Variants in DAP observed in about 807,000 individuals in gnomAD.
DAP encodes death-associated protein 1.
A neutral mutation model predicts 13.8 loss-of-function variants in DAP; 8 were observed. The observed-to-expected ratio is 0.58, with a 90% confidence interval of 0.34 to 1.05. The LOEUF (loss-of-function observed/expected upper bound fraction) is 1.05. Ranked by LOEUF, DAP falls within the 50% of genes least tolerant of loss-of-function variation. The pLI, the probability that DAP is intolerant of heterozygous loss-of-function variation, is 0.03. For synonymous variants in DAP, 47 were observed against 47.5 expected, an observed-to-expected ratio of 0.99 and a Z score of 0.04; for missense variants, 106 against 133.2, an observed-to-expected ratio of 0.80 and a Z score of 1.01.
intron 2 of DAP, among the ~76,000 whole-genome samples, chr5:10,691,522 A>C (rs1738306156): frequency 5.3e-5 from 8 of 152,258 alleles, no homozygotes; most frequent in Admixed American, 5.2e-4. Flanking sequence ...AAATGCCATT[A>C]GGCTTCCATG....
intron 2 of DAP, among the ~76,000 whole-genome samples, chr5:10,700,875 T>C (rs1328317692): frequency 6.6e-6 from 1 of 152,258 alleles, no homozygotes; most frequent in African/African-American, 2.4e-5. Context: ...TTTTACATTC[T>C]GTTATCTCAA....
chr5:10,708,461 A>G (rs1370517631), intron 2 of DAP, among the ~76,000 whole-genome samples: 1 of 149,270 alleles, frequency 6.7e-6, no homozygotes, highest in Non-Finnish European at 1.5e-5. Context: ...ACACACACAC[A>G]CACGCACATA....
At chr5:10,688,842 A>G (rs1474005609) in intron 2 of DAP, among the ~76,000 whole-genome samples, 1 of 151,712 alleles carries the variant, frequency 6.6e-6, no homozygotes, top group Non-Finnish European at 1.5e-5. Flanking sequence ...CAGCCTGGAG[A>G]GGCCTCCATG....
chr5:10,682,349 G>C (rs1738040133), intron 3 of DAP, among the ~76,000 whole-genome samples: 2 of 151,700 alleles, frequency 1.3e-5, no homozygotes, highest in South Asian at 4.2e-4. Context: ...TTGTATATGA[G>C]GAAGCTCCAG....
chr5:10,735,541 A>G (rs1376926992), intron 2 of DAP, among the ~76,000 whole-genome samples: 1 of 152,210 alleles, frequency 6.6e-6, no homozygotes, highest in Non-Finnish European at 1.5e-5. Flanking sequence ...TTCATAACTT[A>G]TATAGTGGTA....
chr5:10,701,703 C>G (rs906997100), intron 2 of DAP, among the ~76,000 whole-genome samples: 2 of 152,186 alleles, frequency 1.3e-5, no homozygotes, highest in Non-Finnish European at 1.5e-5. Context: ...AATTAGGCCT[C>G]AAGTTATCCC....
intron 2 of DAP, among the ~76,000 whole-genome samples, chr5:10,685,742 G>A (rs1396492255): frequency 6.6e-6 from 1 of 152,154 alleles, no homozygotes; most frequent in African/African-American, 2.4e-5. Flanking sequence ...GGCTCTGAAA[G>A]GCGGAAATGC....
chr5:10,683,249 T>G (rs891434551), intron 3 of DAP: 7 of 498,346 alleles, frequency 1.4e-5, no homozygotes, highest in East Asian at 3.6e-5. Context: ...ACTGCGGGGG[T>G]TTGCTGATGG....
chr5:10,722,380 T>A (rs546266704), intron 2 of DAP, among the ~76,000 whole-genome samples: 1 of 152,108 alleles, frequency 6.6e-6, no homozygotes, highest in African/African-American at 2.4e-5. Flanking sequence ...GGACTCCAAG[T>A]TCTTCAGTTT....
intron 2 of DAP, among the ~76,000 whole-genome samples, chr5:10,684,639 T>C (rs1302357762): frequency 2.0e-5 from 3 of 152,264 alleles, no homozygotes; most frequent in African/African-American, 7.2e-5. Flanking sequence ...ATAGTTATAC[T>C]GTTTTGTAAT....
intron 2 of DAP, among the ~76,000 whole-genome samples, chr5:10,713,283 G>A (rs267985): frequency 0.51 from 77,941 of 152,068 alleles, 22,073 homozygotes; most frequent in Non-Finnish European, 0.64. Flanking sequence ...AAGGTGACCA[G>A]TAAGAGGTTC....
chr5:10,751,703 CTAATA>C (rs1183516667), intron 1 of DAP, among the ~76,000 whole-genome samples: 1 of 152,234 alleles, frequency 6.6e-6, no homozygotes, highest in East Asian at 1.9e-4. Flanking sequence ...AGGTAGGGCT[CTAATA>C]TAATAGAAAT....
chr5:10,747,895 C>CT (rs1483960010), intron 2 of DAP, among the ~76,000 whole-genome samples: 2 of 144,530 alleles, frequency 1.4e-5, no homozygotes, highest in Non-Finnish European at 3.0e-5. Flanking sequence ...AGGTAGGTCT[C>CT]TAACTGTGCA....
chr5:10,728,525 C>G (rs1739349322), intron 2 of DAP, among the ~76,000 whole-genome samples: 1 of 152,156 alleles, frequency 6.6e-6, no homozygotes, highest in South Asian at 2.1e-4. Context: ...GATGTATGGA[C>G]AAGTCAATTC....
At chr5:10,752,700 G>A (rs1196451181) in intron 1 of DAP, among the ~76,000 whole-genome samples, 4 of 152,204 alleles carry the variant, frequency 2.6e-5, no homozygotes, top group Non-Finnish European at 5.9e-5. Flanking sequence ...GCATACGTAT[G>A]TGCTTGTGTG....
chr5:10,758,928 C>T (rs1353274013), intron 1 of DAP, among the ~76,000 whole-genome samples: 1 of 152,188 alleles, frequency 6.6e-6, no homozygotes, highest in South Asian at 2.1e-4. Context: ...CCTTAAAAAT[C>T]TCCATATGGG....
At position 10,679,355 on chromosome 5, in the gene DAP, G is replaced by A. The variant is rs1305751205; in HGVS notation, c.*1701C>T. ...AGCTCACAGATGCATGCCACATCTA[G>A]CTAAAAGTACATAAAAAGCGCACCT... On this transcript the variant is annotated 3_prime_UTR_variant, in exon 4 of 4. Coordinates refer to ENST00000230895, the MANE Select transcript of DAP (RefSeq NM_004394.3). 1 of 152,388 alleles carries A rather than the reference G, an allele frequency of 6.6e-6. No homozygotes were observed. The highest frequency in any genetic ancestry group is 1.5e-5 in the Non-Finnish European group (1 of 68,050). The allele number at this position is 152,388 out of a possible 1,614,324, so 9.4% of individuals were successfully genotyped here. A position where few individuals can be genotyped will look rare whatever the true frequency, so the allele number is the denominator to read the frequency against.
rs377030343 is a variant in DAP at position 10,705,720 on chromosome 5, A to C, written c.153-22149T>G. Among the ~76,000 whole-genome samples, 19 of 152,292 alleles carry C rather than the reference A, an allele frequency of 1.2e-4. No homozygotes were observed. The East Asian group carries it at 3.1e-3, about 25-fold the overall frequency. On this transcript the variant is annotated intron_variant, in intron 2 of 3. Coordinates refer to ENST00000230895, the MANE Select transcript of DAP (RefSeq NM_004394.3). ...CTACTCAGTATCATCTTTCATGGGG[A>C]GAGAAGCAGATTTAAATGTAAGGTG...
intron 2 of DAP, among the ~76,000 whole-genome samples, chr5:10,690,135 T>C (rs370153739): frequency 3.9e-5 from 6 of 152,124 alleles, no homozygotes; most frequent in African/African-American, 1.2e-4. Context: ...TATTCAAGAA[T>C]TGTGTTGCAT....
Sources: allele counts gnomAD v4.1 joint callset (sites outside exome capture counted in the v4.1 genomes callset), GRCh38; gene constraint gnomAD v4.1.1; transcripts MANE v1.5; gene names NCBI Gene and HGNC (gene_info 2026-07-23, HGNC 2026-07-21).